The following RAB28 variants were observed in gnomAD, a reference collection of about 807,000 sequenced individuals.
RAB28 encodes ras-related protein Rab-28.
Under a neutral mutation model 31.7 loss-of-function variants are expected in RAB28, and 24 were observed. The ratio of observed to expected loss-of-function variants is 0.76; its 90% CI spans 0.55 to 1.06. The LOEUF (loss-of-function observed/expected upper bound fraction) is 1.06. Ranked by LOEUF, RAB28 falls within the 50% of genes least tolerant of loss-of-function variation. The pLI is 0.00. For missense variants in RAB28, 254 were observed against 258.5 expected (o/e 0.98, Z 0.12); for synonymous variants, 100 against 90.4 (o/e 1.11, Z -0.60).
chr4:13,427,798 G>A (rs1021980935), intron 4 of RAB28, among the ~76,000 whole-genome samples: 1 of 152,142 alleles, frequency 6.6e-6, no homozygotes, highest in African/African-American at 2.4e-5. Flanking sequence ...ACAGAGAAGA[G>A]TAACACTTTT....
chr4:13,407,340 G>A (rs1476444011), intron 4 of RAB28, among the ~76,000 whole-genome samples: 3 of 152,110 alleles, frequency 2.0e-5, no homozygotes, highest in Non-Finnish European at 4.4e-5. Context: ...TATTTCTGAG[G>A]CCTCTGTTCT....
At chr4:13,444,133 T>C (rs910364410) in intron 4 of RAB28, among the ~76,000 whole-genome samples, 8 of 151,638 alleles carry the variant, frequency 5.3e-5, no homozygotes, top group Admixed American at 2.6e-4. Flanking sequence ...GTTCACGCCA[T>C]TCTCCTGCCT....
chr4:13,430,698 C>G (rs372428968), intron 4 of RAB28, among the ~76,000 whole-genome samples: 12 of 152,242 alleles, frequency 7.9e-5, no homozygotes, highest in African/African-American at 2.9e-4. Context: ...AAGGGTATCT[C>G]CACCCTTGAG....
At chr4:13,462,212 G>A (rs972204247) in intron 3 of RAB28, among the ~76,000 whole-genome samples, 1 of 152,084 alleles carries the variant, frequency 6.6e-6, no homozygotes, top group Non-Finnish European at 1.5e-5. Flanking sequence ...GCCCAGCAGG[G>A]GTGACAGTTT....
chr4:13,471,232 A>G (rs1716103492), intron 3 of RAB28, among the ~76,000 whole-genome samples: 1 of 152,076 alleles, frequency 6.6e-6, no homozygotes, highest in East Asian at 1.9e-4. Flanking sequence ...CAGAAGCAAT[A>G]CAGATCTACT....
At chr4:13,382,532 T>A (rs1336128641) in intron 4 of RAB28, among the ~76,000 whole-genome samples, 1 of 151,998 alleles carries the variant, frequency 6.6e-6, no homozygotes, top group Non-Finnish European at 1.5e-5. Flanking sequence ...CAATTGATTA[T>A]CAACTAAAAA....
intron 4 of RAB28, among the ~76,000 whole-genome samples, chr4:13,406,361 A>G (rs1712086037): frequency 6.6e-6 from 1 of 152,164 alleles, no homozygotes; most frequent in African/African-American, 2.4e-5. Flanking sequence ...ATAGTATTCC[A>G]TGGTGTATAT....
intron 4 of RAB28, 27 bp downstream of exon 4, chr4:13,460,672 A>G (rs1715546996): frequency 1.2e-6 from 2 of 1,613,600 alleles, no homozygotes; most frequent in Non-Finnish European, 1.7e-6. Context: ...AAACTGTACC[A>G]TACATAAACA....
chr4:13,421,211 C>T (rs995677659), intron 4 of RAB28, among the ~76,000 whole-genome samples: 6 of 152,136 alleles, frequency 3.9e-5, no homozygotes, highest in Admixed American at 3.9e-4. Context: ...ATATGAAGGA[C>T]TTCTTCAAGG....
intron 6 of RAB28, chr4:13,370,056 G>T: frequency 6.7e-7 from 1 of 1,493,484 alleles, no homozygotes; most frequent in Non-Finnish European, 8.9e-7. Context: ...ACTGAATATA[G>T]AAGGAAACAC....
intron 4 of RAB28, among the ~76,000 whole-genome samples, chr4:13,412,609 T>A (rs1054049676): frequency 1.3e-5 from 2 of 151,230 alleles, no homozygotes; most frequent in Non-Finnish European, 2.9e-5. Flanking sequence ...CGGGAAAAAA[T>A]TTACCTCACT....
intron 6 of RAB28, 87 bp from the exon 7 acceptor site, chr4:13,368,737 T>G (rs764652675): frequency 3.7e-5 from 42 of 1,142,646 alleles, no homozygotes; most frequent in Non-Finnish European, 5.0e-5. Context: ...TTCTGAACTT[T>G]GCTGAACTTC....
chr4:13,425,091 T>C (rs761054813), intron 4 of RAB28, among the ~76,000 whole-genome samples: 3 of 152,210 alleles, frequency 2.0e-5, no homozygotes, highest in Admixed American at 6.5e-5. Context: ...CAGTAAATTA[T>C]TGATTTTCTT....
At chr4:13,394,879 A>C (rs1729803063) in intron 4 of RAB28, among the ~76,000 whole-genome samples, 1 of 152,326 alleles carries the variant, frequency 6.6e-6, no homozygotes, top group South Asian at 2.1e-4. Flanking sequence ...CTTTTGAAAC[A>C]ATCTAACTCT....
At chr4:13,395,753 G>A (rs60601695) in intron 4 of RAB28, among the ~76,000 whole-genome samples, 155 of 152,152 alleles carry the variant, frequency 1.0e-3, no homozygotes, top group African/African-American at 3.4e-3. Context: ...TCACAGATCA[G>A]AGCTACTGAT....
At chr4:13,407,318 G>A (rs1204703139) in intron 4 of RAB28, among the ~76,000 whole-genome samples, 1 of 152,168 alleles carries the variant, frequency 6.6e-6, no homozygotes, top group African/African-American at 2.4e-5. Flanking sequence ...GATGGTTGTA[G>A]ATGTGTGGCG....
intron 4 of RAB28, among the ~76,000 whole-genome samples, chr4:13,413,302 C>T (rs2108911616): frequency 6.6e-6 from 1 of 152,256 alleles, no homozygotes; most frequent in Non-Finnish European, 1.5e-5. Context: ...AAAAATCAAA[C>T]TTTCCTTAGA....
intron 4 of RAB28, among the ~76,000 whole-genome samples, chr4:13,419,404 T>G (rs1297669815): frequency 6.6e-6 from 1 of 152,202 alleles, no homozygotes; most frequent in Non-Finnish European, 1.5e-5. Context: ...GCAGACCTAA[T>G]AGATATCTAC....
chr4:13,459,975 G>A lies in RAB28; in HGVS notation c.391+724C>T, dbSNP rs955825068. The A allele has an allele frequency of 7.7e-6, 9 of 1,162,870 alleles. No individual in the cohort carries two copies. The African/African-American group carries it at 1.4e-4, about 18-fold the overall frequency. 72.0% of individuals were successfully genotyped at this position (1,162,870 alleles called of 1,614,324 possible). A position where few individuals can be genotyped will look rare whatever the true frequency, so the allele number is the denominator to read the frequency against. Reference sequence around the variant, plus strand: ...GTCAGAACTAAACTTACCTTCACAGGAATTGACCAAAGCAGCGGAGCAGTT... The same window carrying A: ...GTCAGAACTAAACTTACCTTCACAGAAATTGACCAAAGCAGCGGAGCAGTT... On this transcript the variant is annotated intron_variant, in intron 4 of 6. Coordinates refer to ENST00000330852, the MANE Select transcript of RAB28 (RefSeq NM_001017979.3).
Sources: gnomAD v4.1 joint callset for allele counts (sites outside exome capture counted in the v4.1 genomes callset) on GRCh38, gnomAD v4.1.1 for gene constraint, MANE v1.5 for transcripts, NCBI Gene and HGNC (gene_info 2026-07-23, HGNC 2026-07-21) for gene names.